The following METTL15 variants were observed in gnomAD, a reference collection of about 807,000 sequenced individuals.
The protein encoded by METTL15 is 12S rRNA N(4)-cytidine methyltransferase METTL15.
METTL15 carries 34 observed loss-of-function variants against 38.3 expected under a neutral mutation model. The ratio of observed to expected loss-of-function variants is 0.89; its 90% CI spans 0.68 to 1.18. The LOEUF is 1.18. METTL15 is among the 50% of genes most tolerant of loss of function. The pLI is 0.00. For synonymous variants in METTL15, 162 were observed against 170.9 expected, an observed-to-expected ratio of 0.95 and a Z score of 0.41; for missense variants, 438 against 498.4, an observed-to-expected ratio of 0.88 and a Z score of 1.15.
At chr11:28,204,374 C>T (rs1449780374) in intron 3 of METTL15, among the ~76,000 whole-genome samples, 1 of 151,302 alleles carries the variant, frequency 6.6e-6, no homozygotes, top group African/African-American at 2.4e-5. Context: ...ATTCACTTCC[C>T]CTAACTTACT....
chr11:28,266,397 A>T lies in METTL15; in HGVS notation c.408-23809A>T, dbSNP rs762116576. ...TGCAGCCATAAAAAATGATGAGTTC[A>T]TGTCCTTTGTAGGGACACAGATGAA... On this transcript the variant is annotated intron_variant, in intron 4 of 6. Coordinates refer to ENST00000407364, the MANE Select transcript of METTL15 (RefSeq NM_001113528.2). Among the ~76,000 whole-genome samples, 64 of 152,298 alleles carry T rather than the reference A, an allele frequency of 4.2e-4. 1 individual carries two copies. The highest frequency in any genetic ancestry group is 1.7e-3 in the East Asian group (9 of 5,174).
intron 3 of METTL15, among the ~76,000 whole-genome samples, chr11:28,155,285 G>A (rs1009918566): frequency 6.6e-6 from 1 of 152,036 alleles, no homozygotes; most frequent in Non-Finnish European, 1.5e-5. Flanking sequence ...AACTAGTTTT[G>A]TTAGGCATTG....
At position 28,409,582 on chromosome 11, in the gene METTL15, T is replaced by C. The variant is rs78043947; in HGVS notation, c.*359-14717T>C. On this transcript the variant is annotated intron_variant and NMD_transcript_variant, in intron 5 of 7. Coordinates refer to the METTL15 transcript ENST00000532947. Reference sequence around the variant, plus strand: ...AAATTTTAAAGTATCTTAAGACAGATGACAATGGAAACACAACATATCAAA... The same window carrying C: ...AAATTTTAAAGTATCTTAAGACAGACGACAATGGAAACACAACATATCAAA... Among the ~76,000 whole-genome samples the C allele has an allele frequency of 5.9e-3, 894 of 151,868 alleles. 9 individuals are homozygous for C. Among genetic ancestry groups the C allele is most frequent in the African/African-American group, 0.019 (807 of 41,442 alleles).
At chr11:28,374,511 A>AT (rs1398008802) in intron 5 of METTL15, among the ~76,000 whole-genome samples, 1 of 135,258 alleles carries the variant, frequency 7.4e-6, no homozygotes, top group East Asian at 2.0e-4. Flanking sequence ...TTGTACATTG[A>AT]TTTTGTATCC....
intron 6 of METTL15, among the ~76,000 whole-genome samples, chr11:28,524,951 T>C (rs1364721109): frequency 2.0e-5 from 3 of 152,132 alleles, no homozygotes; most frequent in Non-Finnish European, 4.4e-5. Context: ...TTCTTCCTTC[T>C]GGTGGGTTCA....
At chr11:28,214,546 A>G (rs1337670559) in intron 4 of METTL15, among the ~76,000 whole-genome samples, 1 of 152,216 alleles carries the variant, frequency 6.6e-6, no homozygotes, top group Non-Finnish European at 1.5e-5. Flanking sequence ...GATAAGCATG[A>G]CAATAATCAG....
chr11:28,435,290 C>G (rs1395819020), intron 6 of METTL15, among the ~76,000 whole-genome samples: 1 of 152,168 alleles, frequency 6.6e-6, no homozygotes, highest in Admixed American at 6.5e-5. Flanking sequence ...TTGCTCTAAA[C>G]ATACTCAACA....
At chr11:28,154,517 A>G (rs2133693785) in intron 3 of METTL15, among the ~76,000 whole-genome samples, 1 of 152,258 alleles carries the variant, frequency 6.6e-6, no homozygotes, top group South Asian at 2.1e-4. Flanking sequence ...AAAATGGCAT[A>G]TCACAGCTTA....
chr11:28,319,812 G>A (rs1002152290), intron 6 of METTL15, among the ~76,000 whole-genome samples: 13 of 152,168 alleles, frequency 8.5e-5, no homozygotes, highest in Admixed American at 2.6e-4. Context: ...GCTTTACCAT[G>A]TTAATGGGCA....
chr11:28,367,044 A>G (rs1007590037), intron 5 of METTL15, among the ~76,000 whole-genome samples: 5 of 152,170 alleles, frequency 3.3e-5, no homozygotes, highest in African/African-American at 7.2e-5. Context: ...GAAAAAATAA[A>G]TGTCCAAATT....
intron 6 of METTL15, among the ~76,000 whole-genome samples, chr11:28,502,894 G>T (rs1590396497): frequency 6.6e-6 from 1 of 152,072 alleles, no homozygotes. Flanking sequence ...ACTTCAAATA[G>T]TAGTCATAAT....
chr11:28,383,587 T>C (rs1473416928), intron 5 of METTL15, among the ~76,000 whole-genome samples: 2 of 152,142 alleles, frequency 1.3e-5, no homozygotes, highest in Non-Finnish European at 2.9e-5. Flanking sequence ...CCACCAGCAG[T>C]GTGTAAGCAT....
At chr11:28,128,660 C>G (rs1056732494) in intron 3 of METTL15, among the ~76,000 whole-genome samples, 1 of 152,050 alleles carries the variant, frequency 6.6e-6, no homozygotes, top group African/African-American at 2.4e-5. Context: ...TGAGCGGAAA[C>G]TATGCAATCA....
At chr11:28,144,900 A>G (rs760616878) in intron 3 of METTL15, 1 of 162,506 alleles carries the variant, frequency 6.2e-6, no homozygotes, top group African/African-American at 2.4e-5. Context: ...CTTGTCATAC[A>G]TTATAGGCAA....
intron 5 of METTL15, among the ~76,000 whole-genome samples, chr11:28,389,116 A>G (rs977264350): frequency 4.6e-5 from 7 of 152,066 alleles, no homozygotes; most frequent in African/African-American, 1.4e-4. Context: ...AGTCTTTGCT[A>G]TTGTGAATAG....
intron 4 of METTL15, among the ~76,000 whole-genome samples, chr11:28,244,947 A>G (rs1281814622): frequency 6.6e-6 from 1 of 152,178 alleles, no homozygotes; most frequent in Non-Finnish European, 1.5e-5. Flanking sequence ...TGACCTTGAT[A>G]AAAATCTTTG....
chr11:28,391,973 TTAAAC>T (rs1483738070), intron 5 of METTL15, among the ~76,000 whole-genome samples: 1 of 152,132 alleles, frequency 6.6e-6, no homozygotes, highest in Non-Finnish European at 1.5e-5. Flanking sequence ...TGGGATCTAA[TTAAAC>T]TAAAGAGCTT....
chr11:28,294,056 C>A (rs142784796), intron 5 of METTL15, among the ~76,000 whole-genome samples: 1 of 152,268 alleles, frequency 6.6e-6, no homozygotes, highest in East Asian at 1.9e-4. Flanking sequence ...TTTCCTTCTC[C>A]TGCCTAATTG....
chr11:28,478,060 C>T (rs1851362008), intron 6 of METTL15, among the ~76,000 whole-genome samples: 2 of 152,256 alleles, frequency 1.3e-5, no homozygotes, highest in South Asian at 2.1e-4. Flanking sequence ...CATGGCCAAA[C>T]TCTCTTATAC....
Sources: allele counts gnomAD v4.1 joint callset (sites outside exome capture counted in the v4.1 genomes callset), GRCh38; gene constraint gnomAD v4.1.1; transcripts MANE v1.5; gene names NCBI Gene and HGNC (gene_info 2026-07-23, HGNC 2026-07-21).